ANKAR: variants seen among roughly 807,000 people sequenced by gnomAD.
The protein encoded by ANKAR is ankyrin and armadillo repeat-containing protein.
A neutral mutation model predicts 146.2 loss-of-function variants in ANKAR; 136 were observed. That is an observed-to-expected ratio of 0.93 (90% CI 0.81 to 1.07). The LOEUF is 1.07. Among genes scored for constraint, ANKAR ranks in the 50% least tolerant of loss-of-function variants. ANKAR has a pLI of 0.00. For missense variants in ANKAR, 1,567 were observed against 1,679.9 expected (o/e 0.93, Z 1.18); for synonymous variants, 500 against 575.8 (o/e 0.87, Z 1.88).
intron 19 of ANKAR, among the ~76,000 whole-genome samples, chr2:189,739,651 C>T (rs2043150995): frequency 1.3e-5 from 2 of 151,544 alleles, no homozygotes; most frequent in South Asian, 4.2e-4. Flanking sequence ...GTAACCTCCG[C>T]CTCCCAGGTT....
intron 16 of ANKAR, 52 bp from the exon 17 acceptor site, chr2:189,733,055 G>A: frequency 6.5e-7 from 1 of 1,534,314 alleles, no homozygotes; most frequent in Non-Finnish European, 8.8e-7. Context: ...AATGAAATGT[G>A]TAATTTCATA....
intron 7 of ANKAR, among the ~76,000 whole-genome samples, chr2:189,700,072 C>A (rs1301671996): frequency 6.6e-6 from 1 of 151,240 alleles, no homozygotes; most frequent in African/African-American, 2.4e-5. Flanking sequence ...GCTCGTCCTT[C>A]CTTTATGTTA....
intron 10 of ANKAR, among the ~76,000 whole-genome samples, chr2:189,718,623 G>A (rs2040846244): frequency 3.3e-5 from 5 of 151,960 alleles, no homozygotes. Flanking sequence ...AAATAAATAA[G>A]GTCTTTATTA....
intron 12 of ANKAR, 104 bp from the exon 13 acceptor site, chr2:189,727,752 T>C: frequency 7.3e-7 from 1 of 1,370,460 alleles, no homozygotes; most frequent in Non-Finnish European, 9.8e-7. Flanking sequence ...CTCTAAGCTT[T>C]TTATAAATTT....
chr2:189,740,689 G>T (rs2043242718), intron 19 of ANKAR, among the ~76,000 whole-genome samples: 1 of 99,170 alleles, frequency 1.0e-5, no homozygotes, highest in African/African-American at 3.9e-5. Flanking sequence ...CCGCAAAAAG[G>T]ACATATTAAT....
chr2:189,693,889 CA>C (rs941179927), intron 5 of ANKAR, among the ~76,000 whole-genome samples: 4 of 152,030 alleles, frequency 2.6e-5, no homozygotes, highest in Non-Finnish European at 5.9e-5. Flanking sequence ...GCTAGGATTA[CA>C]GGCATGCGCC....
intron 2 of ANKAR, among the ~76,000 whole-genome samples, chr2:189,687,374 T>C (rs2035766703): frequency 6.6e-6 from 1 of 152,204 alleles, no homozygotes; most frequent in Non-Finnish European, 1.5e-5. Context: ...TGATGGACAC[T>C]TAGGTTGCTT....
At position 189,719,662 on chromosome 2, in the gene ANKAR, A is replaced by T. The variant is rs1335415241; in HGVS notation, c.2315A>T (p.His772Leu). Reference protein sequence around the residue: ...TVGLLSNISTHKSAVHALVEA... With the variant: ...TVGLLSNISTLKSAVHALVEA... ...GGGTTATTGAGTAATATCTCAACCC[A>T]CAAAAGTGCAGTGCATGCTTTGGTA... The change falls in exon 11 of 23, where the codon CAC (histidine) becomes CTC (leucine). Residue 772 changes from histidine to leucine, a missense_variant. Coordinates refer to ENST00000684021, the MANE Select transcript of ANKAR (RefSeq NM_001378068.1). The T allele has an allele frequency of 1.1e-5, 18 of 1,614,076 alleles. No homozygotes were observed. The highest frequency in any genetic ancestry group is 1.5e-5 in the Non-Finnish European group (18 of 1,180,034).
chr2:189,676,905 T>G lies in ANKAR; in HGVS notation c.415T>G (p.Tyr139Asp). ...SSSCQLPPAYYDTRIGQILIN... is the reference protein window; with the variant it reads ...SSSCQLPPAYDDTRIGQILIN... Reference sequence around the variant, plus strand: ...TTCTTGTCAATTACCTCCAGCTTATTATGATACCAGAATTGGGCAAATTCT... The same window carrying G: ...TTCTTGTCAATTACCTCCAGCTTATGATGATACCAGAATTGGGCAAATTCT... Residue 139 changes from tyrosine to aspartate, a missense_variant, in exon 2 of 23, where the codon TAT becomes GAT. Physicochemically the swap from Tyr to Asp is radical, Grantham distance 160. Transcript: ENST00000684021. 6.2e-7 allele frequency: 1 copy of G among 1,614,178 alleles called. No homozygotes were observed. Among genetic ancestry groups the G allele is most frequent in the Non-Finnish European group, 8.5e-7 (1 of 1,180,032 alleles).
intron 18 of ANKAR, chr2:189,755,305 A>G: frequency 6.2e-7 from 1 of 1,613,516 alleles, no homozygotes; most frequent in Non-Finnish European, 8.5e-7. Flanking sequence ...ATTCTACTTT[A>G]TTGGTCAACC....
chr2:189,676,303 A>G, intron 1 of ANKAR, 153 bp from the exon 2 acceptor site: 2 of 576,504 alleles, frequency 3.5e-6, no homozygotes, highest in Admixed American at 3.5e-5. Context: ...CAGTTTTCAT[A>G]TACTGCAGTT....
chr2:189,733,182 G>T lies in ANKAR; in HGVS notation c.3376G>T (p.Gly1126Ter). The part of the protein sequence containing the change: ...VLQKDLHENE[G>*]FEYADVLYLL... ...ACAGAAAGACTTACATGAAAATGAA[G>T]GATTTGAATATGCTGATGTCCTTTA... is the stretch of plus-strand genomic sequence containing the variant. Residue 1126 changes from glycine to a stop codon, truncating the protein, a stop_gained, in exon 17 of 23, where the codon GGA (glycine) becomes TGA (stop). Coordinates refer to ENST00000684021, the MANE Select transcript of ANKAR (RefSeq NM_001378068.1). LOFTEE classifies it high-confidence loss of function. The T allele has an allele frequency of 6.2e-7, 1 of 1,611,812 alleles. No homozygotes were observed. The highest frequency in any genetic ancestry group is 8.5e-7 in the Non-Finnish European group (1 of 1,178,762).
chr2:189,720,745 A>G lies in ANKAR; in HGVS notation c.2593A>G (p.Lys865Glu). The stretch of plus-strand genomic sequence containing the variant: ...CAATCAAAGAGCTGTGAGAGAACAT[A>G]AAGGCCTCCCATATCTTATCAGATT... ...ENNQRAVREH[K>E]GLPYLIRFLS... Residue 865 changes from lysine to glutamate, a missense_variant, in exon 12 of 23, where the codon AAA (lysine) becomes GAA (glutamate). Coordinates refer to ENST00000684021, the MANE Select transcript of ANKAR (RefSeq NM_001378068.1). 6.6e-7 allele frequency: 1 copy of G among 1,517,114 alleles called. No individual in the cohort carries two copies. 94.0% of individuals were successfully genotyped at this position (1,517,114 alleles called of 1,614,324 possible). A position where few individuals can be genotyped will look rare whatever the true frequency, so the allele number is the denominator to read the frequency against.
In ANKAR at chr2:189,696,293, C is replaced by T. The variant is rs2037193524; in HGVS notation, c.1632C>T (p.Asn544=). 6.2e-7 allele frequency: 1 copy of T among 1,614,004 alleles called. No homozygotes were observed. Among genetic ancestry groups the T allele is most frequent in the Non-Finnish European group, 8.5e-7 (1 of 1,180,024 alleles). The change falls in exon 7 of 23, where the codon AAC becomes AAT. Residue 544 remains asparagine (N), a synonymous_variant. Coordinates refer to ENST00000684021, the MANE Select transcript of ANKAR (RefSeq NM_001378068.1). ...TTTTTCATCATGCTGCCCTGCACAACAGAGTTTCTATTATATGTCAACTGT... is the reference window on the plus strand; with the variant it reads ...TTTTTCATCATGCTGCCCTGCACAATAGAGTTTCTATTATATGTCAACTGT... ...YTIFHHAALH[N]RVSIICQLCN...
chr2:189,699,180 G>A (rs2037702616), intron 7 of ANKAR, among the ~76,000 whole-genome samples: 1 of 152,018 alleles, frequency 6.6e-6, no homozygotes. Flanking sequence ...TCTTCAAACA[G>A]AACATGTCTT....
intron 12 of ANKAR, among the ~76,000 whole-genome samples, chr2:189,721,658 G>A (rs1291490536): frequency 6.6e-6 from 1 of 152,168 alleles, no homozygotes; most frequent in African/African-American, 2.4e-5. Flanking sequence ...GGTCTCCTGG[G>A]TTCTGTAAGA....
downstream of ANKAR, among the ~76,000 whole-genome samples, chr2:189,751,346 G>C (rs990430399): frequency 1.3e-5 from 2 of 152,010 alleles, no homozygotes; most frequent in Non-Finnish European, 2.9e-5. Flanking sequence ...GATGCCTTCC[G>C]GTACTACTAA....
At chr2:189,745,298 T>C (rs927925231) in intron 22 of ANKAR, among the ~76,000 whole-genome samples, 1 of 152,134 alleles carries the variant, frequency 6.6e-6, no homozygotes, top group African/African-American at 2.4e-5. Context: ...ATATTGATCA[T>C]TTTCTGTAAG....
At chr2:189,751,346 G>A (rs990430399), downstream of ANKAR, among the ~76,000 whole-genome samples, 1 of 152,010 alleles carries the variant, frequency 6.6e-6, no homozygotes, top group Non-Finnish European at 1.5e-5. Flanking sequence ...GATGCCTTCC[G>A]GTACTACTAA....
Sources: allele counts gnomAD v4.1 joint callset (sites outside exome capture counted in the v4.1 genomes callset), GRCh38; gene constraint gnomAD v4.1.1; transcripts MANE v1.5; gene names NCBI Gene and HGNC (gene_info 2026-07-23, HGNC 2026-07-21).